AUH: variants seen among roughly 807,000 people sequenced by gnomAD.
AUH encodes the protein AU RNA binding methylglutaconyl-CoA hydratase.
Under a neutral mutation model 42.3 loss-of-function variants are expected in AUH, and 29 were observed. The observed-to-expected ratio is 0.69, with a 90% CI of 0.51 to 0.93. The LOEUF (loss-of-function observed/expected upper bound fraction) is 0.93. AUH is among the 40% of genes least tolerant of loss of function. The pLI, the probability that AUH is intolerant of heterozygous loss-of-function variation, is 0.00. For synonymous variants in AUH, 174 were observed against 166.4 expected (o/e 1.05, Z -0.35); for missense variants, 452 against 438.1 (o/e 1.03, Z -0.28).
intron 6 of AUH, among the ~76,000 whole-genome samples, chr9:91,256,805 G>A (rs536421202): frequency 6.6e-6 from 1 of 152,202 alleles, no homozygotes; most frequent in East Asian, 1.9e-4. Flanking sequence ...GAGGATAGGA[G>A]AGTCTCTCCT....
chr9:91,327,309 A>T (rs2131873981), intron 3 of AUH, among the ~76,000 whole-genome samples: 2 of 152,300 alleles, frequency 1.3e-5, no homozygotes, highest in Middle Eastern at 6.8e-3. Context: ...TAAAGTCTAA[A>T]AACCGAGCTG....
chr9:91,356,504 T>C (rs773659490), intron 1 of AUH, among the ~76,000 whole-genome samples: 16 of 152,226 alleles, frequency 1.1e-4, no homozygotes, highest in Non-Finnish European at 1.5e-5. Context: ...CTAGGACCAG[T>C]TGTTAATATC....
At chr9:91,231,247 C>T (rs909288241) in intron 6 of AUH, among the ~76,000 whole-genome samples, 29 of 152,320 alleles carry the variant, frequency 1.9e-4, no homozygotes, top group Non-Finnish European at 3.7e-4. Context: ...GATATAATCT[C>T]GTGGTGCGCC....
Position 91,246,265 on chromosome 9 carries a change from A to C in AUH, c.656-25273T>G, listed in dbSNP as rs1030791522. 4.6e-5 allele frequency among the ~76,000 whole-genome samples: 7 copies of C among 152,234 alleles called. No homozygotes were observed. In the East Asian group the frequency reaches 9.6e-4, roughly 21 times the overall value. On this transcript the variant is annotated intron_variant, in intron 6 of 9. Coordinates refer to ENST00000375731, the MANE Select transcript of AUH (RefSeq NM_001698.3). ...AATACTGACAGAGGTTCATGCTAAA[A>C]AAACAAACAAACAAAAAACCACGTG... is the stretch of plus-strand genomic sequence containing the variant.
At chr9:91,341,397 C>G (rs1038671511) in intron 3 of AUH, among the ~76,000 whole-genome samples, 1 of 152,230 alleles carries the variant, frequency 6.6e-6, no homozygotes, top group African/African-American at 2.4e-5. Flanking sequence ...TGAAGTCCAT[C>G]TGGGAACACA....
chr9:91,294,723 C>CA, intron 6 of AUH: 1 of 455,940 alleles, frequency 2.2e-6, no homozygotes, highest in South Asian at 1.5e-5. Flanking sequence ...TCAATATTAA[C>CA]AGGAGTTTGG....
At chr9:91,312,036 G>T (rs1336111520) in intron 4 of AUH, among the ~76,000 whole-genome samples, 2 of 148,174 alleles carry the variant, frequency 1.3e-5, no homozygotes, top group African/African-American at 2.5e-5. Flanking sequence ...AAGAACAAAA[G>T]AACTCAATTT....
chr9:91,251,040 G>T (rs1829098167), intron 6 of AUH, among the ~76,000 whole-genome samples: 2 of 152,192 alleles, frequency 1.3e-5, no homozygotes, highest in African/African-American at 4.8e-5. Flanking sequence ...GGCTGCAGCA[G>T]AAGAGATAGG....
At chr9:91,321,402 CTGTTT>C (rs925986708) in intron 4 of AUH, among the ~76,000 whole-genome samples, 10 of 151,876 alleles carry the variant, frequency 6.6e-5, no homozygotes, top group African/African-American at 2.4e-4. Flanking sequence ...TTTTCTTGAA[CTGTTT>C]TGTTTTGTTT....
At chr9:91,248,521 C>A (rs1172829963) in intron 6 of AUH, among the ~76,000 whole-genome samples, 2 of 152,158 alleles carry the variant, frequency 1.3e-5, no homozygotes, top group Non-Finnish European at 2.9e-5. Context: ...AGCGGGAGTG[C>A]CCCCAGGGGT....
intron 6 of AUH, among the ~76,000 whole-genome samples, chr9:91,286,309 C>T (rs1826401890): frequency 6.6e-6 from 1 of 152,074 alleles, no homozygotes. Flanking sequence ...CAATGATGTA[C>T]AGTAATGCCC....
At position 91,267,216 on chromosome 9, in the gene AUH, A is replaced by G. The variant is rs572959711; in HGVS notation, c.655+28805T>C. Among the ~76,000 whole-genome samples the G allele has an allele frequency of 1.1e-4, 17 of 152,362 alleles. No homozygotes were observed. The South Asian group carries it at 3.5e-3, about 32-fold the overall frequency. ...TCCAGTTTACAAAGCAGTCTTTAAA[A>G]GGTAACAAATATAATGTCTTTAAAA... On this transcript the variant is annotated intron_variant, in intron 6 of 9. Transcript: ENST00000375731.
chr9:91,361,682 C>CA lies in AUH; in HGVS notation c.207dup (p.Glu70Ter). The CA allele has an allele frequency of 6.3e-7, 1 of 1,575,894 alleles. No individual in the cohort carries two copies. Among genetic ancestry groups the CA allele is most frequent in the Non-Finnish European group, 8.6e-7 (1 of 1,160,966 alleles). On this transcript the variant is annotated frameshift_variant, in exon 1 of 10. Coordinates refer to ENST00000375731, the MANE Select transcript of AUH (RefSeq NM_001698.3). LOFTEE classifies it high-confidence loss of function. ...CGCAGCTCGTCCTCCGTCTTCATCT[C>CA]AGAGCTGTAGCCCCTTTTCGGGGCG...
intron 4 of AUH, among the ~76,000 whole-genome samples, chr9:91,311,065 AACTT>A (rs1401091918): frequency 3.9e-5 from 6 of 152,230 alleles, no homozygotes; most frequent in African/African-American, 1.4e-4. Context: ...TATACCATAA[AACTT>A]ACATCAGATT....
chr9:91,231,163 G>C (rs999228081), intron 6 of AUH, among the ~76,000 whole-genome samples: 1 of 152,200 alleles, frequency 6.6e-6, no homozygotes, highest in Admixed American at 6.5e-5. Context: ...GTGCTGCCTT[G>C]CAGTTTGATC....
chr9:91,227,019 T>C (rs1827537961), intron 6 of AUH, among the ~76,000 whole-genome samples: 1 of 151,954 alleles, frequency 6.6e-6, no homozygotes, highest in South Asian at 2.1e-4. Context: ...GGCTTAGGAA[T>C]GACTTGGCAA....
intron 6 of AUH, among the ~76,000 whole-genome samples, chr9:91,281,399 T>A (rs1292685300): frequency 6.6e-6 from 1 of 152,222 alleles, no homozygotes; most frequent in Non-Finnish European, 1.5e-5. Context: ...GTTCTCTCTG[T>A]CTGTACCAAT....
intron 4 of AUH, among the ~76,000 whole-genome samples, chr9:91,310,059 T>G (rs1828582228): frequency 6.6e-6 from 1 of 152,212 alleles, no homozygotes; most frequent in Admixed American, 6.5e-5. Context: ...CGAATTCATC[T>G]GCACTTGGAT....
At chr9:91,234,203 G>A (rs553665707) in intron 6 of AUH, among the ~76,000 whole-genome samples, 1 of 152,270 alleles carries the variant, frequency 6.6e-6, no homozygotes, top group Non-Finnish European at 1.5e-5. Flanking sequence ...CCCTGCAACT[G>A]AAGCCCAAGA....
Sources: allele counts gnomAD v4.1 joint callset (sites outside exome capture counted in the v4.1 genomes callset), GRCh38; gene constraint gnomAD v4.1.1; transcripts MANE v1.5; gene names NCBI Gene and HGNC (gene_info 2026-07-23, HGNC 2026-07-21).